ZMAT4: variants seen among roughly 807,000 people sequenced by gnomAD.
ZMAT4 encodes the protein zinc finger matrin-type 4, also known as zinc finger matrin-type protein 4.
ZMAT4 carries 17 observed loss-of-function variants against 28.7 expected under a neutral mutation model. The ratio of observed to expected loss-of-function variants is 0.59; its 90% CI spans 0.41 to 0.89. The LOEUF (loss-of-function observed/expected upper bound fraction) is 0.89, where lower values mean the gene tolerates loss of function less well. Among genes scored for constraint, ZMAT4 ranks in the 40% least tolerant of loss-of-function variants. The pLI is 0.00. For missense variants in ZMAT4, 240 were observed against 283.8 expected (o/e 0.85, Z 1.11); for synonymous variants, 117 against 109.2 (o/e 1.07, Z -0.44).
At chr8:40,598,102 A>G (rs1163617113) in intron 5 of ZMAT4, among the ~76,000 whole-genome samples, 1 of 152,204 alleles carries the variant, frequency 6.6e-6, no homozygotes, top group Non-Finnish European at 1.5e-5. Flanking sequence ...AAAAGAGCAC[A>G]CTTAATTTAA....
At chr8:40,880,764 A>T (rs1012425385) in intron 1 of ZMAT4, among the ~76,000 whole-genome samples, 3 of 152,202 alleles carry the variant, frequency 2.0e-5, no homozygotes, top group Admixed American at 2.0e-4. Flanking sequence ...CTAATTACTC[A>T]GGGAGTTAAA....
intron 3 of ZMAT4, among the ~76,000 whole-genome samples, chr8:40,764,290 G>A (rs1034788680): frequency 2.0e-5 from 3 of 152,134 alleles, no homozygotes; most frequent in Non-Finnish European, 4.4e-5. Context: ...TCCGAGTAAG[G>A]ATTCTAAAGA....
intron 5 of ZMAT4, among the ~76,000 whole-genome samples, chr8:40,596,289 G>A (rs1224778502): frequency 3.3e-5 from 5 of 152,112 alleles, no homozygotes; most frequent in African/African-American, 1.2e-4. Flanking sequence ...GTACGCTTAG[G>A]CTACGCTAAA....
intron 3 of ZMAT4, among the ~76,000 whole-genome samples, chr8:40,752,230 C>T (rs1157412922): frequency 1.3e-5 from 2 of 152,246 alleles, no homozygotes; most frequent in East Asian, 1.9e-4. Context: ...CCAGCCCCCT[C>T]TCCTGGCTTT....
chr8:40,584,366 C>T (rs538670786), intron 5 of ZMAT4, among the ~76,000 whole-genome samples: 2 of 152,166 alleles, frequency 1.3e-5, no homozygotes, highest in African/African-American at 2.4e-5. Flanking sequence ...CCTCTTTTCC[C>T]GTGTTAAGTG....
intron 2 of ZMAT4, among the ~76,000 whole-genome samples, chr8:40,773,973 A>G (rs1371947784): frequency 6.6e-6 from 1 of 152,162 alleles, no homozygotes; most frequent in Non-Finnish European, 1.5e-5. Context: ...AATAGAGTCA[A>G]TAATTTGGGA....
chr8:40,857,530 T>C (rs1046601774), intron 1 of ZMAT4, among the ~76,000 whole-genome samples: 1 of 152,180 alleles, frequency 6.6e-6, no homozygotes, highest in African/African-American at 2.4e-5. Flanking sequence ...TACATAGTGC[T>C]GGGGAGGAGG....
At chr8:40,748,481 C>T (rs1039309316) in intron 3 of ZMAT4, among the ~76,000 whole-genome samples, 1 of 152,166 alleles carries the variant, frequency 6.6e-6, no homozygotes, top group Non-Finnish European at 1.5e-5. Context: ...TCCATGCACA[C>T]AGTTCAGGGC....
chr8:40,653,735 T>C (rs577460131), intron 5 of ZMAT4, among the ~76,000 whole-genome samples: 2 of 152,010 alleles, frequency 1.3e-5, no homozygotes, highest in African/African-American at 4.8e-5. Flanking sequence ...AATGTGTGAG[T>C]AGACTTATAA....
chr8:40,560,480 G>A (rs1020964070), intron 6 of ZMAT4, among the ~76,000 whole-genome samples: 6 of 151,812 alleles, frequency 4.0e-5, no homozygotes, highest in Admixed American at 2.6e-4. Flanking sequence ...ATATTTCAAT[G>A]CTTTAGCCTC....
intron 5 of ZMAT4, among the ~76,000 whole-genome samples, chr8:40,672,045 G>A (rs988527104): frequency 6.6e-6 from 1 of 152,114 alleles, no homozygotes; most frequent in Non-Finnish European, 1.5e-5. Context: ...AGACATAAAT[G>A]CCTGCTTTTA....
chr8:40,549,588 A>G (rs1485349036), intron 6 of ZMAT4, among the ~76,000 whole-genome samples: 1 of 152,028 alleles, frequency 6.6e-6, no homozygotes, highest in African/African-American at 2.4e-5. Context: ...CTCACACACA[A>G]CTGGTGATCC....
chr8:40,867,500 GCATGATCTGCACC>G (rs1426217799), intron 1 of ZMAT4, among the ~76,000 whole-genome samples: 4 of 152,114 alleles, frequency 2.6e-5, no homozygotes, highest in African/African-American at 9.7e-5. Context: ...GCAGGGTCCT[GCATGATCTGCACC>G]CTCCACCCTC....
chr8:40,777,943 C>T (rs934260494), intron 2 of ZMAT4, among the ~76,000 whole-genome samples: 3 of 152,210 alleles, frequency 2.0e-5, no homozygotes, highest in South Asian at 2.1e-4. Context: ...AAATTGAACT[C>T]GGTTATTCTG....
chr8:40,763,533 C>T lies in ZMAT4; in HGVS notation c.192+4108G>A, dbSNP rs113618337. Among the ~76,000 whole-genome samples the T allele has an allele frequency of 8.8e-3, 1,343 of 152,238 alleles. 22 individuals carry two copies. The highest frequency in any genetic ancestry group is 0.029 in the African/African-American group (1,192 of 41,538). On this transcript the variant is annotated intron_variant, in intron 3 of 6. Coordinates refer to ENST00000297737, the MANE Select transcript of ZMAT4 (RefSeq NM_024645.3). ...ACTATTTTTACCCTGCCCAGAACAACAATGCTCCCTGGCTCCAGACCCCAT... is the reference window on the plus strand; with the variant it reads ...ACTATTTTTACCCTGCCCAGAACAATAATGCTCCCTGGCTCCAGACCCCAT...
chr8:40,688,189 G>T (rs1325335155), intron 4 of ZMAT4, among the ~76,000 whole-genome samples: 1 of 152,150 alleles, frequency 6.6e-6, no homozygotes, highest in African/African-American at 2.4e-5. Context: ...GGGGGGCGGT[G>T]GCTCATGCCT....
chr8:40,552,545 A>C (rs372533515), intron 6 of ZMAT4, among the ~76,000 whole-genome samples: 2 of 152,206 alleles, frequency 1.3e-5, no homozygotes, highest in African/African-American at 4.8e-5. Context: ...CTGAACTCCT[A>C]CTTGTGCCAG....
intron 3 of ZMAT4, among the ~76,000 whole-genome samples, chr8:40,764,678 T>A (rs896707237): frequency 1.3e-5 from 2 of 152,170 alleles, no homozygotes; most frequent in African/African-American, 2.4e-5. Flanking sequence ...GTGAGTAGAA[T>A]AAAGTGTTAT....
At chr8:40,870,181 C>A (rs1250564630) in intron 1 of ZMAT4, among the ~76,000 whole-genome samples, 1 of 152,130 alleles carries the variant, frequency 6.6e-6, no homozygotes, top group African/African-American at 2.4e-5. Context: ...AACTTTTATT[C>A]CCTAAGAGAC....
Sources: allele counts gnomAD v4.1 joint callset (sites outside exome capture counted in the v4.1 genomes callset), GRCh38; gene constraint gnomAD v4.1.1; transcripts MANE v1.5; gene names NCBI Gene and HGNC (gene_info 2026-07-23, HGNC 2026-07-21).